Variants in STPG2 observed in about 807,000 individuals in gnomAD.
The protein encoded by STPG2 is sperm-tail PG-rich repeat-containing protein 2.
STPG2 carries 56 observed loss-of-function variants against 54.2 expected under a neutral mutation model. The ratio of observed to expected loss-of-function variants is 1.03; its 90% CI spans 0.83 to 1.29. The LOEUF is 1.29. Ranked by LOEUF, STPG2 falls within the 50% of genes most tolerant of loss-of-function variation. The pLI is 0.00. For synonymous variants in STPG2, 200 were observed against 181.8 expected (o/e 1.10, Z -0.81); for missense variants, 596 against 544.9 (o/e 1.09, Z -0.93).
intron 4 of STPG2, among the ~76,000 whole-genome samples, chr4:97,459,763 T>A (rs1729617611): frequency 6.6e-6 from 1 of 152,144 alleles, no homozygotes; most frequent in South Asian, 2.1e-4. Context: ...TTTAACAATG[T>A]CAGTTTCTAC....
chr4:97,887,956 T>A (rs1366715466), intron 8 of STPG2, among the ~76,000 whole-genome samples: 1 of 152,160 alleles, frequency 6.6e-6, no homozygotes, highest in Non-Finnish European at 1.5e-5. Context: ...CAGGTACAGC[T>A]CAGGCCACTG....
At chr4:97,682,343 G>A (rs1403968422) in intron 10 of STPG2, among the ~76,000 whole-genome samples, 1 of 151,656 alleles carries the variant, frequency 6.6e-6, no homozygotes, top group Non-Finnish European at 1.5e-5. Flanking sequence ...CAAAATTAAG[G>A]TTTCTATTGC....
At chr4:97,818,455 C>T (rs1727982653) in intron 9 of STPG2, among the ~76,000 whole-genome samples, 1 of 151,662 alleles carries the variant, frequency 6.6e-6, no homozygotes, top group African/African-American at 2.4e-5. Flanking sequence ...TATGGTCTCT[C>T]TCTCTCTCTC....
chr4:97,731,237 T>C (rs1031349603), intron 9 of STPG2, among the ~76,000 whole-genome samples: 5 of 152,162 alleles, frequency 3.3e-5, no homozygotes, highest in African/African-American at 1.2e-4. Context: ...GTATAGTCAA[T>C]TGGCTTTGTT....
At chr4:97,455,793 G>A (rs932444542) in intron 4 of STPG2, among the ~76,000 whole-genome samples, 1 of 152,226 alleles carries the variant, frequency 6.6e-6, no homozygotes, top group African/African-American at 2.4e-5. Flanking sequence ...GAAAGAGCAC[G>A]CTGTAACACA....
chr4:97,621,427 A>C (rs769255442), intron 10 of STPG2, among the ~76,000 whole-genome samples: 8 of 152,158 alleles, frequency 5.3e-5, no homozygotes, highest in Non-Finnish European at 1.0e-4. Flanking sequence ...AATAAATGCA[A>C]TCAGAAATGA....
At chr4:97,894,354 C>G (rs1560575225) in intron 8 of STPG2, among the ~76,000 whole-genome samples, 2 of 151,824 alleles carry the variant, frequency 1.3e-5, no homozygotes, top group Non-Finnish European at 2.9e-5. Flanking sequence ...CGAAAAAATA[C>G]AATGTAGTAC....
chr4:97,545,095 AC>A (rs1301676867), intron 4 of STPG2, among the ~76,000 whole-genome samples: 1 of 152,108 alleles, frequency 6.6e-6, no homozygotes, highest in Non-Finnish European at 1.5e-5. Context: ...TCTAAAAAAC[AC>A]CCAAGTGATG....
intron 5 of STPG2, among the ~76,000 whole-genome samples, chr4:97,992,036 C>A (rs1383111342): frequency 6.6e-6 from 1 of 152,140 alleles, no homozygotes; most frequent in Non-Finnish European, 1.5e-5. Context: ...GACTTTCTCC[C>A]ACTCTATGGG....
chr4:98,028,077 C>G (rs1448513669), intron 5 of STPG2, among the ~76,000 whole-genome samples: 1 of 152,134 alleles, frequency 6.6e-6, no homozygotes. Context: ...GAGTCATACA[C>G]CTGATTTCTT....
intron 5 of STPG2, among the ~76,000 whole-genome samples, chr4:98,019,162 TAA>T (rs1736082701): frequency 6.6e-6 from 1 of 152,236 alleles, no homozygotes; most frequent in South Asian, 2.1e-4. Context: ...GTCTAACATG[TAA>T]GTCTTTAATC....
At chr4:97,904,620 G>A (rs561742140) in intron 8 of STPG2, among the ~76,000 whole-genome samples, 11 of 152,300 alleles carry the variant, frequency 7.2e-5, no homozygotes, top group African/African-American at 1.4e-4. Flanking sequence ...TGACTTTGAC[G>A]AGCTGATAGA....
intron 9 of STPG2, among the ~76,000 whole-genome samples, chr4:97,792,019 G>C (rs1251620588): frequency 6.6e-6 from 1 of 151,634 alleles, no homozygotes; most frequent in Non-Finnish European, 1.5e-5. Flanking sequence ...GTAGAGAAAA[G>C]ACAAATCACC....
chr4:98,139,948 A>C (rs973571555), intron 1 of STPG2, among the ~76,000 whole-genome samples: 1 of 152,204 alleles, frequency 6.6e-6, no homozygotes, highest in African/African-American at 2.4e-5. Context: ...TGGAGTAAAG[A>C]TCGTGGTTAT....
At chr4:98,090,509 T>C (rs1738653769) in intron 5 of STPG2, among the ~76,000 whole-genome samples, 1 of 152,114 alleles carries the variant, frequency 6.6e-6, no homozygotes, top group Non-Finnish European at 1.5e-5. Context: ...AGATTTGTTC[T>C]TTTTGCTTAG....
At chr4:97,520,761 A>C (rs1731163701) in intron 4 of STPG2, among the ~76,000 whole-genome samples, 1 of 152,064 alleles carries the variant, frequency 6.6e-6, no homozygotes. Flanking sequence ...GGCACTCACG[A>C]GAAACACAAA....
intron 5 of STPG2, among the ~76,000 whole-genome samples, chr4:98,102,611 T>G (rs1316900073): frequency 6.6e-6 from 1 of 151,960 alleles, no homozygotes. Flanking sequence ...CTATTAATTA[T>G]CAGTTCAATG....
intron 10 of STPG2, among the ~76,000 whole-genome samples, chr4:97,674,381 G>A (rs937579473): frequency 5.9e-5 from 9 of 152,194 alleles, no homozygotes; most frequent in African/African-American, 2.2e-4. Flanking sequence ...TTCAGAATAA[G>A]AGGAAGTAGA....
intron 5 of STPG2, among the ~76,000 whole-genome samples, chr4:97,982,624 A>G (rs1250753038): frequency 2.6e-5 from 4 of 152,162 alleles, no homozygotes; most frequent in African/African-American, 9.7e-5. Flanking sequence ...TTTCCCCTTC[A>G]GTACATAATC....
Sources: gnomAD v4.1 joint callset for allele counts (sites outside exome capture counted in the v4.1 genomes callset) on GRCh38, gnomAD v4.1.1 for gene constraint, MANE v1.5 for transcripts, NCBI Gene and HGNC (gene_info 2026-07-23, HGNC 2026-07-21) for gene names.